Variants in NEXMIF observed in about 807,000 individuals in gnomAD.
NEXMIF encodes neurite extension and migration factor, also known as XLMR protein related to neurite extension.
A neutral mutation model predicts 62.1 loss-of-function variants in NEXMIF; 8 were observed. That is an observed-to-expected ratio of 0.13 (90% CI 0.08 to 0.23). The LOEUF is 0.23. Ranked by LOEUF, NEXMIF falls within the 10% of genes least tolerant of loss-of-function variation. NEXMIF has a pLI of 1.00. For synonymous variants in NEXMIF, 404 were observed against 416.6 expected, an observed-to-expected ratio of 0.97 and a Z score of 0.37; for missense variants, 976 against 1,113.3, an observed-to-expected ratio of 0.88 and a Z score of 1.75.
intron 1 of NEXMIF, among the ~76,000 whole-genome samples, chrX:74,824,846 C>T (rs1306090816): frequency 1.8e-5 from 2 of 110,438 alleles, no homozygotes; most frequent in African/African-American, 3.3e-5. Context: ...GACAGAGTTT[C>T]ACCGTGTTAG....
At chrX:74,912,340 A>G (rs1191398833) in intron 1 of NEXMIF, among the ~76,000 whole-genome samples, 1 of 111,602 alleles carries the variant, frequency 9.0e-6, no homozygotes, top group East Asian at 2.8e-4. Context: ...CGTTTCCTCA[A>G]TCAATGGTTA....
intron 1 of NEXMIF, among the ~76,000 whole-genome samples, chrX:74,851,600 A>T (rs2080513813): frequency 1.8e-5 from 2 of 111,267 alleles, no homozygotes; most frequent in South Asian, 7.5e-4. Context: ...GAAAAAAAAA[A>T]AATAACTGCC....
intron 1 of NEXMIF, among the ~76,000 whole-genome samples, chrX:74,876,221 T>G (rs1469274870): frequency 9.0e-6 from 1 of 111,482 alleles, no homozygotes; most frequent in East Asian, 2.8e-4. Context: ...AAAGAACATC[T>G]TTATTTCTGC....
chrX:74,917,844 G>A (rs933999864), intron 1 of NEXMIF, among the ~76,000 whole-genome samples: 20 of 111,738 alleles, frequency 1.8e-4, no homozygotes, highest in Non-Finnish European at 1.9e-5. Flanking sequence ...GAACTTGTGT[G>A]TGGGGTGTGT....
Position 74,738,017 on chromosome X carries a change from C to T in NEXMIF, c.*1388G>A, listed in dbSNP as rs1267836070. ...CATAATGCATCAGTCATCAGATGCA[C>T]AGGCCTTCAATTGTGCAAAGAAAAG... On this transcript the variant is annotated 3_prime_UTR_variant, in exon 4 of 4. Coordinates refer to ENST00000055682, the MANE Select transcript of NEXMIF (RefSeq NM_001008537.3). 9.0e-6 allele frequency: 1 copy of T among 111,421 alleles called. No individual in the cohort carries two copies. Among genetic ancestry groups the T allele is most frequent in the Non-Finnish European group, 1.9e-5 (1 of 53,138 alleles). 9.2% of individuals were successfully genotyped at this position (111,421 alleles called of 1,213,427 possible). A position where few individuals can be genotyped will look rare whatever the true frequency, so the allele number is the denominator to read the frequency against.
At chrX:74,784,273 A>G (rs2080254520) in intron 1 of NEXMIF, among the ~76,000 whole-genome samples, 1 of 111,794 alleles carries the variant, frequency 8.9e-6, no homozygotes, top group Non-Finnish European at 1.9e-5. Flanking sequence ...TAAGAGGATC[A>G]CATCCTTGCC....
At chrX:74,905,427 C>A (rs2147371135) in intron 1 of NEXMIF, among the ~76,000 whole-genome samples, 1 of 112,284 alleles carries the variant, frequency 8.9e-6, no homozygotes, top group African/African-American at 3.2e-5. Flanking sequence ...TATAATTTAA[C>A]TTGTCTGTAA....
chrX:74,868,199 T>C (rs1470285230), intron 1 of NEXMIF, among the ~76,000 whole-genome samples: 2 of 112,105 alleles, frequency 1.8e-5, no homozygotes, highest in Non-Finnish European at 3.8e-5. Context: ...AGTTCAACCA[T>C]TGTGGAAGAT....
chrX:74,887,805 C>G (rs2080701756), intron 1 of NEXMIF, among the ~76,000 whole-genome samples: 2 of 111,755 alleles, frequency 1.8e-5, no homozygotes, highest in South Asian at 7.5e-4. Flanking sequence ...GGTATATACC[C>G]AAAGGATTAT....
rs182255680 is a variant in NEXMIF, at chrX:74,880,001, C to T, written c.-48+44882G>A. On this transcript the variant is annotated intron_variant, in intron 1 of 3. Transcript: ENST00000055682. ...TAATTAACATACCAATGACATATCC[C>T]CAATATTATGTATACATGTATAAAC... 3.7e-4 allele frequency among the ~76,000 whole-genome samples: 41 copies of T among 111,901 alleles called. No individual in the cohort carries two copies. The East Asian group carries it at 9.3e-3, about 25-fold the overall frequency.
chrX:74,739,448 G>A lies in NEXMIF; in HGVS notation c.4508C>T (p.Pro1503Leu), dbSNP rs973158487. Residue 1503 changes from proline to leucine, a missense_variant, in exon 4 of 4, where the codon CCT becomes CTT. Transcript: ENST00000055682. ...AATGCGAGTCTCTTCTTCAAACACA[G>A]GTAAAACCCAAAAGGTTGTTTCTGC... ...LKAETTFWVL[P>L]VFEEETRIFQ... The A allele has an allele frequency of 2.1e-5, 25 of 1,197,802 alleles. No homozygotes were observed. Among genetic ancestry groups the A allele is most frequent in the Non-Finnish European group, 2.6e-5 (23 of 890,997 alleles).
At chrX:74,914,594 C>A (rs2080800659) in intron 1 of NEXMIF, among the ~76,000 whole-genome samples, 1 of 111,680 alleles carries the variant, frequency 9.0e-6, no homozygotes. Context: ...GGTAGGAGAA[C>A]TACTTGAACC....
chrX:74,882,503 C>T (rs1406512749), intron 1 of NEXMIF, among the ~76,000 whole-genome samples: 2 of 111,906 alleles, frequency 1.8e-5, no homozygotes, highest in Non-Finnish European at 3.8e-5. Context: ...GATTATATCC[C>T]ACAACTGGCT....
chrX:74,848,942 C>T (rs764533237), intron 1 of NEXMIF, among the ~76,000 whole-genome samples: 1 of 112,143 alleles, frequency 8.9e-6, no homozygotes, highest in East Asian at 2.8e-4. Context: ...GACACCGAAT[C>T]TACTGATTTC....
intron 1 of NEXMIF, among the ~76,000 whole-genome samples, chrX:74,764,117 C>T (rs1401168437): frequency 4.5e-5 from 5 of 111,429 alleles, no homozygotes; most frequent in Non-Finnish European, 7.5e-5. Context: ...TCATAGATAG[C>T]TCTTATTATT....
intron 1 of NEXMIF, among the ~76,000 whole-genome samples, chrX:74,747,624 T>C (rs1176565502): frequency 9.4e-6 from 1 of 106,177 alleles, no homozygotes; most frequent in African/African-American, 3.5e-5. Flanking sequence ...TACATTTAAG[T>C]ATCAACAATT....
chrX:74,870,951 G>A (rs1416190314), intron 1 of NEXMIF, among the ~76,000 whole-genome samples: 1 of 111,753 alleles, frequency 8.9e-6, no homozygotes, highest in Admixed American at 9.5e-5. Flanking sequence ...ACAAAATCTA[G>A]CAATCCCACT....
In NEXMIF at chrX:74,892,270, G is replaced by T. The variant is rs1012607348; in HGVS notation, c.-48+32613C>A. ...CAATTTCTCTTTAACCTGGGCACCAGGGGAAAACAAAAACCTGACAAGGGA... is the reference window on the plus strand; with the variant it reads ...CAATTTCTCTTTAACCTGGGCACCATGGGAAAACAAAAACCTGACAAGGGA... On this transcript the variant is annotated intron_variant, in intron 1 of 3. Coordinates refer to ENST00000055682, the MANE Select transcript of NEXMIF (RefSeq NM_001008537.3). Among the ~76,000 whole-genome samples the T allele has an allele frequency of 8.9e-5, 10 of 112,241 alleles. 1 individual carries two copies. The highest frequency in any genetic ancestry group is 2.8e-4 in the Admixed American group (3 of 10,597).
At chrX:74,840,388 A>G (rs2080470132) in intron 1 of NEXMIF, among the ~76,000 whole-genome samples, 1 of 111,800 alleles carries the variant, frequency 8.9e-6, no homozygotes, top group Non-Finnish European at 1.9e-5. Flanking sequence ...GGACACAAAT[A>G]AAGGGAAAAA....
Sources: allele counts gnomAD v4.1 joint callset (sites outside exome capture counted in the v4.1 genomes callset), GRCh38; gene constraint gnomAD v4.1.1; transcripts MANE v1.5; gene names NCBI Gene and HGNC (gene_info 2026-07-23, HGNC 2026-07-21).